Variants in CIBAR1 observed in about 807,000 individuals in gnomAD.
CIBAR1 encodes the protein CBY1-interacting BAR domain-containing protein 1.
A neutral mutation model predicts 44.0 loss-of-function variants in CIBAR1; 25 were observed. The ratio of observed to expected loss-of-function variants is 0.57; its 90% CI spans 0.41 to 0.79. The LOEUF (loss-of-function observed/expected upper bound fraction) is 0.79, where lower values mean the gene tolerates loss of function less well. Ranked by LOEUF, CIBAR1 falls within the 30% of genes least tolerant of loss-of-function variation. CIBAR1 has a pLI of 0.00. For synonymous variants in CIBAR1, 115 were observed against 119.0 expected (o/e 0.97, Z 0.22); for missense variants, 278 against 344.8 (o/e 0.81, Z 1.53).
chr8:93,701,716 G>A (rs937267807), intron 2 of CIBAR1: 8 of 473,422 alleles, frequency 1.7e-5, no homozygotes, highest in African/African-American at 1.6e-4. Flanking sequence ...TGGCCAAGGG[G>A]TGGCTGTTTA....
chr8:93,700,616 C>G lies in CIBAR1; in HGVS notation c.-32C>G. 2 of 1,482,224 alleles carry G rather than the reference C, an allele frequency of 1.3e-6. No homozygotes were observed. Among genetic ancestry groups the G allele is most frequent in the Non-Finnish European group, 1.8e-6 (2 of 1,116,222 alleles). 91.8% of individuals were successfully genotyped at this position (1,482,224 alleles called of 1,614,324 possible). On this transcript the variant is annotated 5_prime_UTR_variant, in exon 1 of 9. Transcript: ENST00000518322. Reference sequence around the variant, plus strand: ...GCCTTGGAATCCCCGTCCTTGGGCCCCCGCAAGGTCCCCGGCCGTGCGCGA... The same window carrying G: ...GCCTTGGAATCCCCGTCCTTGGGCCGCCGCAAGGTCCCCGGCCGTGCGCGA...
At position 93,729,676 on chromosome 8, in the gene CIBAR1, C is replaced by G. The variant is rs1340386514; in HGVS notation, c.*1379C>G. 6.6e-6 allele frequency: 1 copy of G among 152,140 alleles called. No individual in the cohort carries two copies. The highest frequency in any genetic ancestry group is 1.5e-5 in the Non-Finnish European group (1 of 68,008). The allele number at this position is 152,140 out of a possible 1,614,324, so 9.4% of individuals were successfully genotyped here. ...ATTTAGACCAGCCTAGGTTGGCAAA[C>G]TTCTTAAAGGGCCAGATAGCAAATA... On this transcript the variant is annotated 3_prime_UTR_variant, in exon 9 of 9. Transcript: ENST00000518322.
chr8:93,702,243 A>G (rs532496674), intron 2 of CIBAR1: 8 of 431,782 alleles, frequency 1.9e-5, no homozygotes, highest in South Asian at 6.8e-5. Flanking sequence ...TATCCATACA[A>G]ATTTGAAGAG....
Position 93,709,854 on chromosome 8 carries a change from G to C in CIBAR1, c.522G>C (p.Arg174Ser). The change falls in exon 6 of 9, where the codon AGG (arginine) becomes AGC (serine). Residue 174 changes from arginine to serine, a missense_variant. By Grantham distance (110) the Arg-to-Ser change is moderately radical (BLOSUM62 -1). Coordinates refer to ENST00000518322, the MANE Select transcript of CIBAR1 (RefSeq NM_145269.5). ...AGGAAACTATTAACAACTTTGAAAG[G>C]CAGAAAATGAAGGATATAAAGGTAA... ...HLEETINNFE[R>S]QKMKDIKTIF... 6.2e-7 allele frequency: 1 copy of C among 1,611,522 alleles called. No homozygotes were observed. The highest frequency in any genetic ancestry group is 8.5e-7 in the Non-Finnish European group (1 of 1,178,830).
At chr8:93,706,238 A>C (rs1810576792) in intron 4 of CIBAR1, 1 of 152,238 alleles carries the variant, frequency 6.6e-6, no homozygotes, top group Non-Finnish European at 1.5e-5. Context: ...ATGGGCAGCC[A>C]TAGGGCTGGG....
chr8:93,704,137 TTAAGAA>T (rs935375237), intron 3 of CIBAR1, among the ~76,000 whole-genome samples: 1 of 152,060 alleles, frequency 6.6e-6, no homozygotes, highest in African/African-American at 2.4e-5. Context: ...ACTTAGATCT[TTAAGAA>T]TAATGAAATA....
chr8:93,725,402 A>C (rs1031582002), intron 7 of CIBAR1, among the ~76,000 whole-genome samples: 1 of 152,314 alleles, frequency 6.6e-6, no homozygotes, highest in African/African-American at 2.4e-5. Context: ...AGAGTTTAGT[A>C]GCATTTAAGT....
intron 7 of CIBAR1, among the ~76,000 whole-genome samples, chr8:93,720,553 CCTTTT>C (rs1380354787): frequency 6.6e-6 from 1 of 152,116 alleles, no homozygotes; most frequent in African/African-American, 2.4e-5. Flanking sequence ...AACTTTCACT[CCTTTT>C]CATGTCCTGC....
At chr8:93,716,182 T>TA (rs1465260359) in intron 6 of CIBAR1, 1 of 152,288 alleles carries the variant, frequency 6.6e-6, no homozygotes, top group African/African-American at 2.4e-5. Flanking sequence ...TAGCTGGCAT[T>TA]ACAGGCGTGC....
chr8:93,720,902 G>A (rs1811239243), intron 7 of CIBAR1: 1 of 151,862 alleles, frequency 6.6e-6, no homozygotes, highest in African/African-American at 2.4e-5. Context: ...GCTTTCATCT[G>A]TCATTTATAA....
At chr8:93,717,835 A>G (rs1203648816) in intron 6 of CIBAR1, among the ~76,000 whole-genome samples, 1 of 152,118 alleles carries the variant, frequency 6.6e-6, no homozygotes, top group Non-Finnish European at 1.5e-5. Flanking sequence ...TTTATTAAAA[A>G]CTTGCCTGGT....
chr8:93,726,283 C>T (rs934753749), intron 7 of CIBAR1, 111 bp from the exon 8 acceptor site: 274 of 848,324 alleles, frequency 3.2e-4, no homozygotes, highest in South Asian at 9.5e-4. Flanking sequence ...GAATTTTGTC[C>T]ATTTGGGGGG....
In CIBAR1 at chr8:93,701,368, G is replaced by A. The variant is rs755482814; in HGVS notation, c.171G>A (p.Ala57=). The change falls in exon 2 of 9, where the codon GCG becomes GCA. Residue 57 remains alanine (A), a synonymous_variant. Coordinates refer to ENST00000518322, the MANE Select transcript of CIBAR1 (RefSeq NM_145269.5). ...KADLLVNEIN[A]YAATETPHLK... ...ACCTCCTGGTGAATGAAATTAACGC[G>A]TATGCTGCTACAGAGACCCCGCATT... 9 of 1,613,848 alleles carry A rather than the reference G, an allele frequency of 5.6e-6. No homozygotes were observed. Among genetic ancestry groups the A allele is most frequent in the Non-Finnish European group, 7.6e-6 (9 of 1,179,854 alleles).
Position 93,700,626 on chromosome 8 carries a change from C to G in CIBAR1, c.-22C>G, listed in dbSNP as rs762058635. On this transcript the variant is annotated 5_prime_UTR_variant, in exon 1 of 9. Transcript: ENST00000518322. ...CCCCGTCCTTGGGCCCCCGCAAGGT[C>G]CCCGGCCGTGCGCGAGGCAGCATGA... is the stretch of plus-strand genomic sequence containing the variant. The G allele has an allele frequency of 6.7e-7, 1 of 1,498,058 alleles. No homozygotes were observed. The highest frequency in any genetic ancestry group is 2.3e-5 in the Admixed American group (1 of 43,554). The allele number at this position is 1,498,058 out of a possible 1,614,324, so 92.8% of individuals were successfully genotyped here. A position where few individuals can be genotyped will look rare whatever the true frequency, so the allele number is the denominator to read the frequency against.
At position 93,701,473 on chromosome 8, in the gene CIBAR1, C is replaced by G. The variant is rs756248655; in HGVS notation, c.261+15C>G. 4.4e-6 allele frequency: 7 copies of G among 1,603,144 alleles called. No individual in the cohort carries two copies. The Admixed American group carries it at 8.5e-5, about 19-fold the overall frequency. ...GACAAGCAGAGGTATGGAGTGAGAT[C>G]ACAGTGTCATTGTTATGAATGAGCC... On this transcript the variant is annotated intron_variant, in intron 2 of 8. Transcript: ENST00000518322.
chr8:93,709,280 C>CA (rs537407231), intron 5 of CIBAR1, among the ~76,000 whole-genome samples: 135 of 148,804 alleles, frequency 9.1e-4, no homozygotes, highest in African/African-American at 2.9e-3. Context: ...AACTCTATCT[C>CA]AAAAAAAAAT....
intron 6 of CIBAR1, among the ~76,000 whole-genome samples, chr8:93,711,717 G>A (rs1358513088): frequency 1.3e-5 from 2 of 152,128 alleles, no homozygotes; most frequent in East Asian, 3.8e-4. Context: ...TTTAGTGATG[G>A]GAAACTGATT....
chr8:93,708,243 T>G (rs182408703), intron 5 of CIBAR1, among the ~76,000 whole-genome samples: 1 of 152,170 alleles, frequency 6.6e-6, no homozygotes, highest in African/African-American at 2.4e-5. Context: ...AAAACTTTAT[T>G]AGGAAGAATT....
intron 6 of CIBAR1, among the ~76,000 whole-genome samples, chr8:93,710,411 A>G (rs1476688511): frequency 6.6e-6 from 1 of 152,142 alleles, no homozygotes; most frequent in Non-Finnish European, 1.5e-5. Flanking sequence ...CAGAAGCCAG[A>G]TATTCAGCTT....
Sources: gnomAD v4.1 joint callset for allele counts (sites outside exome capture counted in the v4.1 genomes callset) on GRCh38, gnomAD v4.1.1 for gene constraint, MANE v1.5 for transcripts, NCBI Gene and HGNC (gene_info 2026-07-23, HGNC 2026-07-21) for gene names.